Variants in TTC7B observed in about 807,000 individuals in gnomAD.
TTC7B encodes tetratricopeptide repeat protein 7B.
TTC7B carries 28 observed loss-of-function variants against 106.8 expected under a neutral mutation model. That is an observed-to-expected ratio of 0.26 (90% CI 0.19 to 0.36). The LOEUF (loss-of-function observed/expected upper bound fraction) is 0.36. Among genes scored for constraint, TTC7B ranks in the 10% least tolerant of loss-of-function variants. TTC7B has a pLI of 1.00. For synonymous variants in TTC7B, 405 were observed against 430.6 expected (o/e 0.94, Z 0.74); for missense variants, 862 against 1,076.4 (o/e 0.80, Z 2.79).
rs1254397072 is a variant in TTC7B at position 90,652,699 on chromosome 14, C to A, written c.1517+142G>T. The A allele has an allele frequency of 4.9e-6, 4 of 816,196 alleles. No individual in the cohort carries two copies. The Admixed American group carries it at 9.2e-5, about 19-fold the overall frequency. 50.6% of individuals were successfully genotyped at this position (816,196 alleles called of 1,614,324 possible). A position where few individuals can be genotyped will look rare whatever the true frequency, so the allele number is the denominator to read the frequency against. ...CAAGTGATACAGCAGGGTTTGTGTG[C>A]TGTGTGTTCGGTGCTCAGGACGAAA... On this transcript the variant is annotated intron_variant, in intron 13 of 19. Coordinates refer to ENST00000328459, the MANE Select transcript of TTC7B (RefSeq NM_001010854.2).
In TTC7B at chr14:90,802,341, G is replaced by C; in HGVS notation, c.121+13834C>G. The stretch of plus-strand genomic sequence containing the variant: ...GTGCCTGTGCCCGTGCCTGCAGAAG[G>C]GAAGGGTCAGGAGAGAAGTGAAGGC... On this transcript the variant is annotated intron_variant, in intron 1 of 19. Transcript: ENST00000328459. The surrounding 1 kb of genome is among the most constrained non-coding windows in gnomAD (Gnocchi z 4.7). Among the ~76,000 whole-genome samples the C allele has an allele frequency of 6.6e-6, 1 of 152,126 alleles. No individual in the cohort carries two copies. The highest frequency in any genetic ancestry group is 1.9e-4 in the East Asian group (1 of 5,170).
At chr14:90,548,665 T>C (rs2139769196) in intron 19 of TTC7B, among the ~76,000 whole-genome samples, 1 of 152,302 alleles carries the variant, frequency 6.6e-6, no homozygotes, top group African/African-American at 2.4e-5. Flanking sequence ...GGCCTGACAC[T>C]GGGCAGGTGG....
At chr14:90,774,163 A>G (rs1238390742) in intron 3 of TTC7B, among the ~76,000 whole-genome samples, 1 of 152,166 alleles carries the variant, frequency 6.6e-6, no homozygotes, top group Admixed American at 6.5e-5. Flanking sequence ...AAGACACAAC[A>G]AGAACCCGAC....
At chr14:90,761,054 C>T (rs1890483050) in intron 3 of TTC7B, among the ~76,000 whole-genome samples, 1 of 152,204 alleles carries the variant, frequency 6.6e-6, no homozygotes, top group Admixed American at 6.5e-5. Context: ...ATCTAACCAA[C>T]CCCTATCTTG....
intron 5 of TTC7B, among the ~76,000 whole-genome samples, chr14:90,707,296 C>T (rs1888250610): frequency 6.6e-6 from 1 of 152,166 alleles, no homozygotes; most frequent in African/African-American, 2.4e-5. Context: ...TGTATATGTG[C>T]CCCACTGACC....
intron 19 of TTC7B, among the ~76,000 whole-genome samples, chr14:90,563,648 C>G (rs1054683400): frequency 2.6e-5 from 4 of 152,168 alleles, no homozygotes; most frequent in African/African-American, 9.7e-5. Context: ...CAAAAGAGCT[C>G]TCTGTAGCAT....
intron 16 of TTC7B, 139 bp downstream of exon 16, chr14:90,617,790 C>T (rs1472508035): frequency 3.0e-6 from 2 of 673,956 alleles, no homozygotes; most frequent in African/African-American, 1.8e-5. Context: ...AGCTCCACTG[C>T]TATCATCTGC....
chr14:90,690,477 G>A (rs1375477948), intron 6 of TTC7B, among the ~76,000 whole-genome samples: 4 of 152,188 alleles, frequency 2.6e-5, no homozygotes, highest in East Asian at 3.9e-4. Context: ...AAAACAGTAC[G>A]ATGTATAATA....
intron 15 of TTC7B, among the ~76,000 whole-genome samples, chr14:90,622,576 A>G (rs1884255235): frequency 6.6e-6 from 1 of 152,028 alleles, no homozygotes. Context: ...AAAAAAATAT[A>G]AAAATTAACC....
In TTC7B at chr14:90,805,347, C is replaced by T. The variant is rs2030541461; in HGVS notation, c.121+10828G>A. Among the ~76,000 whole-genome samples the T allele has an allele frequency of 6.6e-6, 1 of 152,170 alleles. No individual in the cohort carries two copies. Among genetic ancestry groups the T allele is most frequent in the Non-Finnish European group, 1.5e-5 (1 of 68,032 alleles). On this transcript the variant is annotated intron_variant, in intron 1 of 19. Transcript: ENST00000328459. The surrounding 1 kb of genome is among the most constrained non-coding windows in gnomAD (Gnocchi z 4.0). Reference sequence around the variant, plus strand: ...CTCGGCTCACTGCAACCTCTACCTCCCGGGTTCAGGCAATTCTCCTGTTCT... The same window carrying T: ...CTCGGCTCACTGCAACCTCTACCTCTCGGGTTCAGGCAATTCTCCTGTTCT...
At position 90,725,833 on chromosome 14, in the gene TTC7B, G is replaced by A. The variant is rs114764051; in HGVS notation, c.698+4242C>T. On this transcript the variant is annotated intron_variant, in intron 5 of 19. Transcript: ENST00000328459. ...GTGAAAACACACTACAATCCGTTTT[G>A]CCTACCCAGGACACCTGACACAGCT... Among the ~76,000 whole-genome samples, 498 of 152,348 alleles carry A rather than the reference G, an allele frequency of 3.3e-3. 4 individuals carry two copies. Among genetic ancestry groups the A allele is most frequent in the African/African-American group, 0.011 (477 of 41,576 alleles).
chr14:90,770,589 G>A (rs1419501244), intron 3 of TTC7B, among the ~76,000 whole-genome samples: 1 of 151,698 alleles, frequency 6.6e-6, no homozygotes, highest in Non-Finnish European at 1.5e-5. Flanking sequence ...GGAGGCAGAG[G>A]TTGCGGTGAG....
At chr14:90,811,761 A>C (rs552735688) in intron 1 of TTC7B, among the ~76,000 whole-genome samples, 27 of 152,354 alleles carry the variant, frequency 1.8e-4, no homozygotes, top group South Asian at 1.2e-3. Context: ...ATGATCTCCT[A>C]AGGGAGAAGC....
rs1468574323 is a variant in TTC7B at position 90,655,110 on chromosome 14, A to G, written c.1342T>C (p.Leu448=). The G allele has an allele frequency of 9.9e-6, 16 of 1,610,652 alleles. No individual in the cohort carries two copies. The highest frequency in any genetic ancestry group is 6.7e-5 in the East Asian group (3 of 44,890). ...AKLCMGSLHW[L]EEAEKFAKTV... is the part of the protein sequence containing the mutation. ...TTGGCAAACTTTTCAGCCTCTTCCA[A>G]CTGAAAAATGAGACAAGTTAAAAAC... Residue 448 remains leucine (L), a splice_region_variant and synonymous_variant, in exon 12 of 20, where the codon TTG becomes CTG. Transcript: ENST00000328459.
At chr14:90,614,561 G>C (rs1375250833) in intron 16 of TTC7B, among the ~76,000 whole-genome samples, 1 of 152,240 alleles carries the variant, frequency 6.6e-6, no homozygotes, top group Non-Finnish European at 1.5e-5. Flanking sequence ...AAAGAAACTG[G>C]TTGTCAGCTC....
At chr14:90,726,582 C>G (rs556525869) in intron 5 of TTC7B, among the ~76,000 whole-genome samples, 1 of 152,312 alleles carries the variant, frequency 6.6e-6, no homozygotes, top group East Asian at 1.9e-4. Context: ...CCAGGTGCTT[C>G]CATGTGCATA....
chr14:90,736,057 T>C (rs926941550), intron 4 of TTC7B, among the ~76,000 whole-genome samples: 1 of 151,984 alleles, frequency 6.6e-6, no homozygotes, highest in African/African-American at 2.4e-5. Context: ...ACTAAAAATA[T>C]ATGACAGAAA....
In TTC7B at chr14:90,535,241, C is replaced by G. The variant is rs1595138225; in HGVS notation, c.*6127G>C. ...GGGAAGTGGCCTGCCCCGGCCACAC[C>G]TGCCCAGGCCCCCAGCCTGGCTCTG... On this transcript the variant is annotated 3_prime_UTR_variant, in exon 20 of 20. Transcript: ENST00000328459. 1 of 152,382 alleles carries G rather than the reference C, an allele frequency of 6.6e-6. No individual in the cohort carries two copies. Among genetic ancestry groups the G allele is most frequent in the Non-Finnish European group, 1.5e-5 (1 of 68,150 alleles). 9.4% of individuals were successfully genotyped at this position (152,382 alleles called of 1,614,324 possible). A position where few individuals can be genotyped will look rare whatever the true frequency, so the allele number is the denominator to read the frequency against.
intron 15 of TTC7B, among the ~76,000 whole-genome samples, chr14:90,627,351 C>T (rs553845373): frequency 2.0e-5 from 3 of 152,112 alleles, no homozygotes; most frequent in Non-Finnish European, 4.4e-5. Context: ...GCTGGCACAT[C>T]CGGGACACTC....
Sources: allele counts gnomAD v4.1 joint callset (sites outside exome capture counted in the v4.1 genomes callset), GRCh38; gene constraint gnomAD v4.1.1; non-coding constraint Gnocchi (gnomAD v3.1); transcripts MANE v1.5; gene names NCBI Gene and HGNC (gene_info 2026-07-23, HGNC 2026-07-21).